Variants in SYNPR observed in about 807,000 individuals in gnomAD.
The protein encoded by SYNPR is synaptoporin.
A neutral mutation model predicts 32.9 loss-of-function variants in SYNPR; 23 were observed. That is an observed-to-expected ratio of 0.70 (90% CI 0.50 to 0.99). The LOEUF (loss-of-function observed/expected upper bound fraction) is 0.99, where lower values mean the gene tolerates loss of function less well. SYNPR is among the 50% of genes least tolerant of loss of function. SYNPR has a pLI of 0.00. For missense variants in SYNPR, 318 were observed against 349.3 expected, an observed-to-expected ratio of 0.91 and a Z score of 0.71; for synonymous variants, 146 against 135.9, an observed-to-expected ratio of 1.07 and a Z score of -0.52.
chr3:63,529,369 T>C (rs1192266329), intron 3 of SYNPR, among the ~76,000 whole-genome samples: 2 of 152,266 alleles, frequency 1.3e-5, no homozygotes, highest in Non-Finnish European at 2.9e-5. Flanking sequence ...TGTGGTACTG[T>C]TATTTCTAAA....
At chr3:63,227,028 T>TA (rs1696523269), upstream of SYNPR, among the ~76,000 whole-genome samples, 1 of 152,056 alleles carries the variant, frequency 6.6e-6, no homozygotes, top group Admixed American at 6.6e-5. Context: ...CAAAATAAAA[T>TA]AAAATGTATT....
intron 3 of SYNPR, among the ~76,000 whole-genome samples, chr3:63,487,709 A>C (rs2106709503): frequency 6.6e-6 from 1 of 152,342 alleles, no homozygotes; most frequent in East Asian, 1.9e-4. Flanking sequence ...GGATGTATTA[A>C]GACTTTTTAA....
At chr3:63,545,055 C>G (rs893440688) in intron 3 of SYNPR, among the ~76,000 whole-genome samples, 1 of 150,308 alleles carries the variant, frequency 6.7e-6, no homozygotes, top group Non-Finnish European at 1.5e-5. Flanking sequence ...GAAAGGGTAG[C>G]GTTCCATTGG....
chr3:63,515,163 C>G (rs767957464), intron 3 of SYNPR, among the ~76,000 whole-genome samples: 1 of 152,002 alleles, frequency 6.6e-6, no homozygotes, highest in Admixed American at 6.6e-5. Flanking sequence ...TCTGCCCCCC[C>G]ATCTTTTCAA....
At chr3:63,373,383 C>A (rs1224280735) in intron 2 of SYNPR, among the ~76,000 whole-genome samples, 2 of 151,874 alleles carry the variant, frequency 1.3e-5, no homozygotes, top group South Asian at 4.1e-4. Context: ...AAGAAAGAAC[C>A]AAACTGATCT....
At chr3:63,543,786 C>A (rs1702348573) in intron 3 of SYNPR, among the ~76,000 whole-genome samples, 1 of 152,122 alleles carries the variant, frequency 6.6e-6, no homozygotes, top group Admixed American at 6.6e-5. Context: ...TCGTCCCCTA[C>A]CCTTCCTCAA....
Position 63,479,118 on chromosome 3 carries a change from C to T in SYNPR, c.85-1714C>T, listed in dbSNP as rs546524207. On this transcript the variant is annotated intron_variant, in intron 2 of 5. Coordinates refer to ENST00000478300, the MANE Select transcript of SYNPR (RefSeq NM_001130003.2). ...GAATGCTTCATCAAATCCTGTGCAA[C>T]GAAAGCTAACAAAGTTAAAAAGATC... Among the ~76,000 whole-genome samples the T allele has an allele frequency of 2.1e-3, 320 of 152,194 alleles. 2 individuals are homozygous for T. Among genetic ancestry groups the T allele is most frequent in the African/African-American group, 7.1e-3 (294 of 41,524 alleles).
At chr3:63,575,656 A>G (rs562411820) in intron 4 of SYNPR, among the ~76,000 whole-genome samples, 7 of 152,188 alleles carry the variant, frequency 4.6e-5, no homozygotes, top group Non-Finnish European at 7.4e-5. Context: ...AGGAAATTTA[A>G]TCAAAAAAAC....
At position 63,615,253 on chromosome 3, in the gene SYNPR, G is replaced by C; in HGVS notation, c.630G>C (p.Trp210Cys). The C allele has an allele frequency of 6.2e-7, 1 of 1,613,588 alleles. No individual in the cohort carries two copies. Among genetic ancestry groups the C allele is most frequent in the Non-Finnish European group, 8.5e-7 (1 of 1,179,708 alleles). ...VVFGFLNFIL[W>C]AGNIWFVFKE... ...TTGGATTCTTGAACTTTATTCTCTG[G>C]GCTGGAAACATATGGTTTGTTTTCA... Residue 210 changes from tryptophan (W) to cysteine (C), a missense_variant, in exon 6 of 6, where the codon TGG (tryptophan) becomes TGC (cysteine). Coordinates refer to ENST00000478300, the MANE Select transcript of SYNPR (RefSeq NM_001130003.2).
At chr3:63,315,385 T>A (rs1052802605) in intron 2 of SYNPR, among the ~76,000 whole-genome samples, 2 of 152,118 alleles carry the variant, frequency 1.3e-5, no homozygotes, top group African/African-American at 4.8e-5. Context: ...TGTGTTTCCA[T>A]TTGTTTGTGT....
intron 2 of SYNPR, among the ~76,000 whole-genome samples, chr3:63,319,650 G>C (rs1464928659): frequency 6.6e-6 from 1 of 151,668 alleles, no homozygotes; most frequent in Admixed American, 6.6e-5. Flanking sequence ...TGGAAAAATA[G>C]TCCATGTTCA....
At chr3:63,293,382 C>T (rs1330438136) in intron 2 of SYNPR, among the ~76,000 whole-genome samples, 2 of 151,980 alleles carry the variant, frequency 1.3e-5, no homozygotes, top group Admixed American at 1.3e-4. Flanking sequence ...TATTAACAAT[C>T]ACAAAATAAG....
intron 2 of SYNPR, chr3:63,351,624 G>A (rs1223024601): frequency 1.3e-5 from 2 of 152,206 alleles, no homozygotes; most frequent in Admixed American, 6.5e-5. Context: ...AGGTAAATGT[G>A]ACATTTGGTT....
intron 4 of SYNPR, among the ~76,000 whole-genome samples, chr3:63,595,585 A>G (rs2106881711): frequency 6.6e-6 from 1 of 150,570 alleles, no homozygotes; most frequent in South Asian, 2.1e-4. Context: ...TCTTACTCAT[A>G]AAATACAAAC....
chr3:63,206,995 T>C, the SYNPR span, among the ~76,000 whole-genome samples: 1 of 152,170 alleles, frequency 6.6e-6, no homozygotes, highest in African/African-American at 2.4e-5. Context: ...GAAGTTGACG[T>C]GCATGCATAA....
chr3:63,588,121 T>G (rs1703224193), intron 4 of SYNPR, among the ~76,000 whole-genome samples: 1 of 152,136 alleles, frequency 6.6e-6, no homozygotes, highest in African/African-American at 2.4e-5. Context: ...TTATCTGTTT[T>G]TTAAAAAAAT....
intron 2 of SYNPR, among the ~76,000 whole-genome samples, chr3:63,292,353 G>T (rs2086748380): frequency 6.6e-6 from 1 of 152,148 alleles, no homozygotes; most frequent in African/African-American, 2.4e-5. Flanking sequence ...TCACTTGTTT[G>T]TGTTGGGAAC....
chr3:63,285,557 C>T (rs532345105), intron 2 of SYNPR, among the ~76,000 whole-genome samples: 2 of 152,130 alleles, frequency 1.3e-5, no homozygotes, highest in African/African-American at 2.4e-5. Flanking sequence ...TTGGTGACAA[C>T]AATCATGTGC....
chr3:63,305,924 A>G (rs1421643195), intron 2 of SYNPR, among the ~76,000 whole-genome samples: 2 of 151,982 alleles, frequency 1.3e-5, no homozygotes, highest in Non-Finnish European at 2.9e-5. Context: ...ATATTTGGTC[A>G]TTCAGTGTCC....
Sources: gnomAD v4.1 joint callset for allele counts (sites outside exome capture counted in the v4.1 genomes callset) on GRCh38, gnomAD v4.1.1 for gene constraint, MANE v1.5 for transcripts, NCBI Gene and HGNC (gene_info 2026-07-23, HGNC 2026-07-21) for gene names.